The following RGS22 variants were observed in gnomAD, a reference collection of about 807,000 sequenced individuals.
RGS22 encodes regulator of G-protein signaling 22.
RGS22 carries 148 observed loss-of-function variants against 172.9 expected under a neutral mutation model. The ratio of observed to expected loss-of-function variants is 0.86; its 90% CI spans 0.75 to 0.98. The LOEUF (loss-of-function observed/expected upper bound fraction) is 0.98. RGS22 is among the 50% of genes least tolerant of loss of function. RGS22 has a pLI of 0.00. For missense variants in RGS22, 1,347 were observed against 1,440.8 expected (o/e 0.93, Z 1.05); for synonymous variants, 458 against 480.2 (o/e 0.95, Z 0.60).
chr8:100,080,494 G>A, intron 3 of RGS22, 139 bp from the exon 4 acceptor site: 1 of 665,460 alleles, frequency 1.5e-6, no homozygotes, highest in Non-Finnish European at 2.5e-6. Context: ...TCCTTTTTAG[G>A]AGCTAGGAAA....
chr8:100,037,897 G>A (rs540097282), intron 14 of RGS22, among the ~76,000 whole-genome samples: 1 of 152,310 alleles, frequency 6.6e-6, no homozygotes, highest in Non-Finnish European at 1.5e-5. Context: ...GGGCTATGTA[G>A]GGGCTGAAGC....
At chr8:100,094,100 G>A (rs3133662) in intron 2 of RGS22, among the ~76,000 whole-genome samples, 24,919 of 152,066 alleles carry the variant, frequency 0.16, 2,744 homozygotes, top group African/African-American at 0.31. Context: ...AAGATTGTAT[G>A]CATTTTTTCC....
intron 3 of RGS22, among the ~76,000 whole-genome samples, chr8:100,082,116 G>A (rs1811806469): frequency 6.6e-6 from 1 of 152,170 alleles, no homozygotes; most frequent in East Asian, 1.9e-4. Context: ...TTACTTAGTA[G>A]TAGTGAGTAG....
At chr8:100,103,887 A>T (rs1282748842) in intron 2 of RGS22, among the ~76,000 whole-genome samples, 1 of 152,236 alleles carries the variant, frequency 6.6e-6, no homozygotes. Flanking sequence ...AACTGTTCAA[A>T]CAGTAAGTGG....
At chr8:100,041,937 C>T (rs1188669778) in intron 11 of RGS22, 21 bp from the exon 12 acceptor site, 6 of 1,485,822 alleles carry the variant, frequency 4.0e-6, no homozygotes, top group Non-Finnish European at 5.6e-6. Context: ...AGGATGAGAA[C>T]TAAAATTATA....
At chr8:100,076,806 G>A (rs562914579) in intron 4 of RGS22, among the ~76,000 whole-genome samples, 15 of 152,166 alleles carry the variant, frequency 9.9e-5, no homozygotes, top group African/African-American at 1.4e-4. Context: ...CAGCCTGGCC[G>A]ACATGGCAAA....
At chr8:99,989,893 T>C (rs999577758) in intron 20 of RGS22, among the ~76,000 whole-genome samples, 2 of 151,192 alleles carry the variant, frequency 1.3e-5, no homozygotes, top group African/African-American at 4.9e-5. Flanking sequence ...GATAGATAGA[T>C]AGATAGATAG....
intron 3 of RGS22, among the ~76,000 whole-genome samples, chr8:100,084,919 G>T (rs1812052746): frequency 6.6e-6 from 1 of 152,186 alleles, no homozygotes; most frequent in South Asian, 2.1e-4. Context: ...AAATGCAAAT[G>T]CCAAGGGCAA....
At position 99,964,992 on chromosome 8, in the gene RGS22, G is replaced by C. The variant is rs547033545; in HGVS notation, c.3615+343C>G. On this transcript the variant is annotated intron_variant, in intron 24 of 27. Coordinates refer to ENST00000360863, the MANE Select transcript of RGS22 (RefSeq NM_015668.5). ...GAGACTAAGCATTTGACATTCTTCT[G>C]TCATTTTTTAACCCAAGAATACAAC... 5.0e-4 allele frequency among the ~76,000 whole-genome samples: 76 copies of C among 152,256 alleles called. 1 individual carries two copies. The Middle Eastern group carries it at 0.014, about 27-fold the overall frequency.
chr8:100,083,588 A>C (rs1004429024), intron 3 of RGS22, among the ~76,000 whole-genome samples: 1 of 151,678 alleles, frequency 6.6e-6, no homozygotes, highest in Admixed American at 6.6e-5. Flanking sequence ...GGATGGTCTC[A>C]ATCTCTTGAC....
chr8:100,024,852 A>T (rs1160711510), intron 14 of RGS22, among the ~76,000 whole-genome samples: 4 of 152,108 alleles, frequency 2.6e-5, no homozygotes, highest in African/African-American at 9.7e-5. Context: ...ACCTCTTAGG[A>T]TTGTCTAGAA....
chr8:100,093,450 A>G lies in RGS22; in HGVS notation c.114T>C (p.Leu38=). 6.4e-7 allele frequency: 1 copy of G among 1,566,582 alleles called. No homozygotes were observed. ...LVDYFNEFLS[L]PTFSEAIRFN... ...TAGATCATAATAATAAACTCACTGG[A>G]AGGCTTAGGAATTCATTAAAGTAGT... Residue 38 remains leucine, a synonymous_variant, in exon 3 of 28, where the codon CTT becomes CTC. Coordinates refer to ENST00000360863, the MANE Select transcript of RGS22 (RefSeq NM_015668.5).
chr8:100,098,747 CTCTCTG>C (rs1563732194), intron 2 of RGS22, among the ~76,000 whole-genome samples: 1 of 151,940 alleles, frequency 6.6e-6, no homozygotes, highest in Non-Finnish European at 1.5e-5. Context: ...CCCTTTCCTT[CTCTCTG>C]TCTCTCTCTC....
At chr8:100,078,409 G>T (rs889837340) in intron 4 of RGS22, among the ~76,000 whole-genome samples, 70 of 149,944 alleles carry the variant, frequency 4.7e-4, no homozygotes, top group African/African-American at 1.7e-3. Context: ...AACTCAATAT[G>T]ATTAATTATA....
At chr8:100,021,054 T>C (rs182741479) in intron 14 of RGS22, among the ~76,000 whole-genome samples, 1 of 152,332 alleles carries the variant, frequency 6.6e-6, no homozygotes, top group African/African-American at 2.4e-5. Context: ...ACATTTCTCA[T>C]CATAGCACTG....
intron 20 of RGS22, among the ~76,000 whole-genome samples, chr8:99,995,872 A>C (rs1466422818): frequency 1.3e-5 from 2 of 152,146 alleles, no homozygotes; most frequent in Non-Finnish European, 2.9e-5. Context: ...AAATGTCCAT[A>C]AATGATAGAC....
chr8:100,087,576 C>T lies in RGS22; in HGVS notation c.117+5871G>A, dbSNP rs570640992. 2.2e-4 allele frequency among the ~76,000 whole-genome samples: 34 copies of T among 152,216 alleles called. 1 individual carries two copies. Among genetic ancestry groups the T allele is most frequent in the East Asian group, 3.9e-4 (2 of 5,190 alleles). ...CCAGCCCAGCACCAGTGAAACTTAC[C>T]GGGTGCCAAATTATTTAGCTGAACA... On this transcript the variant is annotated intron_variant, in intron 3 of 27. Transcript: ENST00000360863.
At chr8:99,972,393 C>T (rs536352496) in intron 23 of RGS22, among the ~76,000 whole-genome samples, 9 of 152,160 alleles carry the variant, frequency 5.9e-5, no homozygotes, top group East Asian at 3.9e-4. Flanking sequence ...AAGCCAAAAA[C>T]GACAAATGGG....
At chr8:100,031,344 T>C (rs1818777686) in intron 14 of RGS22, among the ~76,000 whole-genome samples, 1 of 152,162 alleles carries the variant, frequency 6.6e-6, no homozygotes, top group Non-Finnish European at 1.5e-5. Flanking sequence ...TGTGTTACCC[T>C]GACGTCCAAT....
Sources: gnomAD v4.1 joint callset for allele counts (sites outside exome capture counted in the v4.1 genomes callset) on GRCh38, gnomAD v4.1.1 for gene constraint, MANE v1.5 for transcripts, NCBI Gene and HGNC (gene_info 2026-07-23, HGNC 2026-07-21) for gene names.